ZFHX3: variants seen among roughly 807,000 people sequenced by gnomAD.
The protein encoded by ZFHX3 is zinc finger homeobox protein 3.
A neutral mutation model predicts 279.1 loss-of-function variants in ZFHX3; 42 were observed. That is an observed-to-expected ratio of 0.15 (90% CI 0.12 to 0.19). The LOEUF is 0.19. Ranked by LOEUF, ZFHX3 falls within the 10% of genes least tolerant of loss-of-function variation. The pLI is 1.00. For missense variants in ZFHX3, 4,981 were observed against 4,754.0 expected, an observed-to-expected ratio of 1.05 and a Z score of -1.40; for synonymous variants, 2,293 against 1,957.8, an observed-to-expected ratio of 1.17 and a Z score of -4.52.
chr16:73,256,858 G>A (rs1281004792), intron 5 of ZFHX3, among the ~76,000 whole-genome samples: 1 of 152,120 alleles, frequency 6.6e-6, no homozygotes, highest in East Asian at 1.9e-4. Flanking sequence ...TGTTGGACAT[G>A]TACACAAGTA....
chr16:73,497,390 C>T (rs533987077), intron 2 of ZFHX3, among the ~76,000 whole-genome samples: 1 of 152,230 alleles, frequency 6.6e-6, no homozygotes, highest in African/African-American at 2.4e-5. Flanking sequence ...TACTTGAGGT[C>T]AGGTGCAGTG....
chr16:73,836,425 G>GT (rs201297056), intron 1 of ZFHX3, among the ~76,000 whole-genome samples: 1,998 of 152,300 alleles, frequency 0.013, 21 homozygotes, highest in Non-Finnish European at 0.02. Flanking sequence ...TTTTGTAGTG[G>GT]TGGAGGGAAG....
In ZFHX3 at chr16:73,230,202, T is replaced by C. The variant is rs148648075; in HGVS notation, c.-1104+26845A>G. Reference sequence around the variant, plus strand: ...GAATATTGGTAGATGAATGAATAGATGCTAGAGATTGATGAATGCAAGGGT... The same window carrying C: ...GAATATTGGTAGATGAATGAATAGACGCTAGAGATTGATGAATGCAAGGGT... On this transcript the variant is annotated intron_variant, in intron 5 of 17. Coordinates refer to the ZFHX3 transcript ENST00000641206. 2.6e-5 allele frequency among the ~76,000 whole-genome samples: 4 copies of C among 152,316 alleles called. No homozygotes were observed. In the East Asian group the frequency reaches 7.7e-4, roughly 29 times the overall value.
intron 4 of ZFHX3, among the ~76,000 whole-genome samples, chr16:73,313,871 G>T (rs537002590): frequency 6.6e-6 from 1 of 152,334 alleles, no homozygotes; most frequent in East Asian, 1.9e-4. Flanking sequence ...ACTTTGGGAG[G>T]CTGTGGCCGG....
In ZFHX3 at chr16:72,787,740, G is replaced by GCCA; in HGVS notation, c.10533_10535dup (p.Gly3512dup). The GCCA allele has an allele frequency of 7.1e-7, 1 of 1,404,568 alleles. No individual in the cohort carries two copies. The highest frequency in any genetic ancestry group is 9.3e-7 in the Non-Finnish European group (1 of 1,075,098). The allele number at this position is 1,404,568 out of a possible 1,614,324, so 87.0% of individuals were successfully genotyped here. On this transcript the variant is annotated inframe_insertion, in exon 10 of 10. Coordinates refer to ENST00000268489, the MANE Select transcript of ZFHX3 (RefSeq NM_006885.4). ...CGCCACCGCCGCCGCCGCCGCCACT[G>GCCA]CCACCGCCGCCGCCGCCGGTGGGGA...
At chr16:73,421,438 C>T (rs140583385) in intron 3 of ZFHX3, 7 of 152,268 alleles carry the variant, frequency 4.6e-5, no homozygotes, top group East Asian at 3.9e-4. Context: ...GCTAACAAGA[C>T]GTGAACTGAG....
intron 2 of ZFHX3, among the ~76,000 whole-genome samples, chr16:73,611,730 T>C (rs1014895278): frequency 3.9e-5 from 6 of 152,224 alleles, no homozygotes; most frequent in Non-Finnish European, 8.8e-5. Context: ...TTGTATTTTG[T>C]TTAATCTTTT....
At chr16:73,269,671 C>G (rs573877203) in intron 4 of ZFHX3, among the ~76,000 whole-genome samples, 2 of 152,104 alleles carry the variant, frequency 1.3e-5, no homozygotes, top group East Asian at 3.9e-4. Flanking sequence ...GGGTAGATAC[C>G]TAGGAGGGGG....
chr16:72,948,123 A>T (rs1960795104), intron 3 of ZFHX3, among the ~76,000 whole-genome samples: 1 of 152,064 alleles, frequency 6.6e-6, no homozygotes, highest in South Asian at 2.1e-4. Context: ...TGAGCGGGAG[A>T]GCTCCCCGCC....
At chr16:73,416,146 C>T (rs1352658755) in intron 3 of ZFHX3, among the ~76,000 whole-genome samples, 6 of 139,206 alleles carry the variant, frequency 4.3e-5, no homozygotes, top group South Asian at 4.7e-4. Flanking sequence ...AAACAAAAAA[C>T]GGAAAACAAA....
chr16:73,526,522 C>G (rs141148496), intron 2 of ZFHX3, among the ~76,000 whole-genome samples: 49 of 152,286 alleles, frequency 3.2e-4, no homozygotes, highest in African/African-American at 1.2e-3. Context: ...AACCAGGCCT[C>G]GTTTCATATT....
chr16:72,870,717 C>CAAAAA (rs71156125), intron 4 of ZFHX3, among the ~76,000 whole-genome samples: 16 of 100,842 alleles, frequency 1.6e-4, no homozygotes, highest in East Asian at 1.4e-3. Context: ...GACTCTGTCT[C>CAAAAA]AAAAAAAAAA....
At chr16:73,200,907 A>G (rs1968254379) in intron 5 of ZFHX3, among the ~76,000 whole-genome samples, 1 of 152,108 alleles carries the variant, frequency 6.6e-6, no homozygotes. Context: ...AAACCACCCA[A>G]TTTTCCAATG....
In ZFHX3 at chr16:72,788,006, G is replaced by T; in HGVS notation, c.10270C>A (p.Gln3424Lys). The T allele has an allele frequency of 6.2e-7, 1 of 1,613,516 alleles. No individual in the cohort carries two copies. The highest frequency in any genetic ancestry group is 8.5e-7 in the Non-Finnish European group (1 of 1,179,942). Residue 3424 changes from glutamine to lysine, a missense_variant, in exon 10 of 10, where the codon CAG becomes AAG. Around this residue, in one of 7 missense-constraint regions of ZFHX3, gnomAD observed 1,034 missense variants for 786.0 expected, o/e 1.32. Transcript: ENST00000268489. ...GACACCTCACGGGGGGTGTTTTTCT[G>T]TTCTTCTGGTTTGGGGGATTCTTTG... is the stretch of plus-strand genomic sequence containing the variant. ...PAKESPKPEE[Q>K]KNTPREVSPL...
Position 72,817,354 on chromosome 16 carries a change from A to G in ZFHX3, c.3530-5316T>C, listed in dbSNP as rs372237281. 4.3e-4 allele frequency among the ~76,000 whole-genome samples: 65 copies of G among 152,306 alleles called. No individual in the cohort carries two copies. In the South Asian group the frequency reaches 6.4e-3, roughly 15 times the overall value. ...TGGACTTAATGCCAACACAGGCTTC[A>G]TTTCTCATCTAGTAACTCTGTACAA... On this transcript the variant is annotated intron_variant, in intron 5 of 9. Transcript: ENST00000268489.
At chr16:72,874,346 AC>A (rs1409537748) in intron 4 of ZFHX3, among the ~76,000 whole-genome samples, 1 of 151,780 alleles carries the variant, frequency 6.6e-6, no homozygotes, top group African/African-American at 2.4e-5. Flanking sequence ...GGCTGGGACT[AC>A]AGGCACCCGC....
intron 2 of ZFHX3, among the ~76,000 whole-genome samples, chr16:73,531,441 G>A (rs1042049770): frequency 1.3e-5 from 2 of 152,126 alleles, no homozygotes; most frequent in African/African-American, 4.8e-5. Flanking sequence ...CTGGCCAGGT[G>A]TAATGGCTCA....
chr16:73,487,408 AT>A (rs35394633), intron 2 of ZFHX3: 33,817 of 367,112 alleles, frequency 0.092, no homozygotes, highest in South Asian at 0.19. Context: ...TATCTATGTG[AT>A]TTTTTTTTTT....
intron 4 of ZFHX3, among the ~76,000 whole-genome samples, chr16:73,304,487 T>C (rs2015133628): frequency 6.6e-6 from 1 of 152,134 alleles, no homozygotes. Flanking sequence ...GGCTGGTGGA[T>C]TCAGCTTTCC....
Sources: gnomAD v4.1 joint callset for allele counts (sites outside exome capture counted in the v4.1 genomes callset) on GRCh38, gnomAD v4.1.1 for gene constraint, gnomAD v4.1.1 regional missense constraint, MANE v1.5 for transcripts, NCBI Gene and HGNC (gene_info 2026-07-23, HGNC 2026-07-21) for gene names.